The following CAND2 variants were observed in gnomAD, a reference collection of about 807,000 sequenced individuals.
CAND2 encodes the protein cullin-associated NEDD8-dissociated protein 2.
A neutral mutation model predicts 98.9 loss-of-function variants in CAND2; 62 were observed. The observed-to-expected ratio is 0.63, with a 90% CI of 0.51 to 0.77. The LOEUF is 0.77. Ranked by LOEUF, CAND2 falls within the 30% of genes least tolerant of loss-of-function variation. CAND2 has a pLI of 0.00. For missense variants in CAND2, 1,501 were observed against 1,655.2 expected (o/e 0.91, Z 1.62); for synonymous variants, 770 against 731.9 (o/e 1.05, Z -0.84).
chr3:12,828,464 A>C (rs1482653759), intron 13 of CAND2, among the ~76,000 whole-genome samples: 1 of 151,420 alleles, frequency 6.6e-6, no homozygotes. Flanking sequence ...CAGCCTCCCA[A>C]GTAGCTGGGA....
At chr3:12,798,596 T>G (rs2061743484) in intron 1 of CAND2, among the ~76,000 whole-genome samples, 1 of 152,122 alleles carries the variant, frequency 6.6e-6, no homozygotes, top group Non-Finnish European at 1.5e-5. Flanking sequence ...TGCAGTGACT[T>G]GCCCAAGGTC....
chr3:12,817,800 G>A lies in CAND2; in HGVS notation c.2868G>A (p.Val956=). The change falls in exon 10 of 15, where the codon GTG becomes GTA. Residue 956 remains valine, a synonymous_variant. Coordinates refer to ENST00000456430, the MANE Select transcript of CAND2 (RefSeq NM_001162499.2). The part of the protein sequence containing the change: ...EGAEEGTRGV[V]AECIGKLVLV... ...CTGAGGAGGGCACCCGGGGGGTGGT[G>A]GCCGAGTGCATTGGGAAGCTGGTCC... is the stretch of plus-strand genomic sequence containing the variant. 1.3e-6 allele frequency: 2 copies of A among 1,527,490 alleles called. No individual in the cohort carries two copies. The highest frequency in any genetic ancestry group is 1.8e-6 in the Non-Finnish European group (2 of 1,139,588). 94.6% of individuals were successfully genotyped at this position (1,527,490 alleles called of 1,614,324 possible). A position where few individuals can be genotyped will look rare whatever the true frequency, so the allele number is the denominator to read the frequency against.
intron 13 of CAND2, among the ~76,000 whole-genome samples, chr3:12,830,946 T>A (rs1390897232): frequency 1.3e-5 from 2 of 152,230 alleles, no homozygotes; most frequent in Admixed American, 1.3e-4. Context: ...ACTTGACTAT[T>A]TTCAAAAGAC....
intron 12 of CAND2, 79 bp downstream of exon 12, chr3:12,825,718 C>A: frequency 1.4e-6 from 2 of 1,427,870 alleles, no homozygotes; most frequent in South Asian, 1.3e-5. Context: ...GCATTATTAT[C>A]TCATCAGAGC....
At position 12,827,398 on chromosome 3, in the gene CAND2, T is replaced by TAAG. The variant is rs56708719; in HGVS notation, c.3211-41_3211-40insAGA. On this transcript the variant is annotated intron_variant, in intron 12 of 14. Transcript: ENST00000456430. ...TAGCAGAAGCTAGAAGAGGTGTCCT[T>TAAG]ACACCCTGGGGCCATATCACCAACC... is the stretch of plus-strand genomic sequence containing the variant. 5.4e-3 allele frequency: 8,526 copies of TAAG among 1,581,422 alleles called. 398 individuals carry two copies. The African/African-American group carries it at 0.1, about 19-fold the overall frequency.
chr3:12,815,551 A>C lies in CAND2; in HGVS notation c.1299+118A>C. On this transcript the variant is annotated intron_variant, in intron 8 of 14. Coordinates refer to ENST00000456430, the MANE Select transcript of CAND2 (RefSeq NM_001162499.2). The surrounding 1 kb of genome is among the most constrained non-coding windows in gnomAD (Gnocchi z 5.7). ...ACATCCAGCCATGGAAGGGAAGGGA[A>C]GGGGTCCCTGGGGTGGGGGGCGGGA... is the stretch of plus-strand genomic sequence containing the variant. The C allele has an allele frequency of 2.2e-5, 21 of 968,746 alleles. No individual in the cohort carries two copies. Among genetic ancestry groups the C allele is most frequent in the African/African-American group, 3.3e-5 (2 of 60,156 alleles). The allele number at this position is 968,746 out of a possible 1,614,324, so 60.0% of individuals were successfully genotyped here. A position where few individuals can be genotyped will look rare whatever the true frequency, so the allele number is the denominator to read the frequency against.
Position 12,834,313 on chromosome 3 carries a change from C to T in CAND2, c.*331C>T. The T allele has an allele frequency of 6.7e-6, 2 of 300,628 alleles. No homozygotes were observed. Among genetic ancestry groups the T allele is most frequent in the Non-Finnish European group, 1.3e-5 (2 of 157,950 alleles). The allele number at this position is 300,628 out of a possible 1,614,324, so 18.6% of individuals were successfully genotyped here. ...TCAGAGGGTGTCTCTGCCTCACAAACTAGTAGTATTTAGAAATAGGCTGTG... is the reference window on the plus strand; with the variant it reads ...TCAGAGGGTGTCTCTGCCTCACAAATTAGTAGTATTTAGAAATAGGCTGTG... On this transcript the variant is annotated 3_prime_UTR_variant, in exon 15 of 15. Coordinates refer to ENST00000456430, the MANE Select transcript of CAND2 (RefSeq NM_001162499.2).
chr3:12,814,822 T>A (rs1321152865), intron 7 of CAND2, among the ~76,000 whole-genome samples: 1 of 152,108 alleles, frequency 6.6e-6, no homozygotes, highest in African/African-American at 2.4e-5. Context: ...CTCCAAGTAT[T>A]TCCTTAACTT....
At chr3:12,810,504 C>T (rs114144185) in intron 5 of CAND2, among the ~76,000 whole-genome samples, 180 bp downstream of exon 5, 2,304 of 134,596 alleles carry the variant, frequency 0.017, 46 homozygotes, top group African/African-American at 0.058. Context: ...GGGCCTGGGG[C>T]GGGCGGCTGA....
At chr3:12,818,142 G>T (rs1049610751) in intron 10 of CAND2, among the ~76,000 whole-genome samples, 2 of 152,082 alleles carry the variant, frequency 1.3e-5, no homozygotes, top group Non-Finnish European at 2.9e-5. Context: ...TCATGATGTT[G>T]GCTAGGCATG....
chr3:12,806,709 G>C (rs1179004546), intron 2 of CAND2, among the ~76,000 whole-genome samples: 4 of 152,170 alleles, frequency 2.6e-5, no homozygotes, highest in African/African-American at 9.7e-5. Context: ...ACTTTCCTGT[G>C]CATTGGAATC....
At chr3:12,812,367 G>C in intron 5 of CAND2, among the ~76,000 whole-genome samples, 1 of 150,446 alleles carries the variant, frequency 6.6e-6, no homozygotes, top group East Asian at 1.9e-4. Flanking sequence ...GGGACTACAG[G>C]TGTGTGCCAC....
At chr3:12,807,041 CAA>C (rs2061811981) in intron 2 of CAND2, 1 of 362,362 alleles carries the variant, frequency 2.8e-6, no homozygotes, top group Admixed American at 4.4e-5. Flanking sequence ...GATGCACCCT[CAA>C]GTTTGAGAAC....
At position 12,820,161 on chromosome 3, in the gene CAND2, C is replaced by G. The variant is rs201112382; in HGVS notation, c.3020C>G (p.Pro1007Arg). Residue 1007 changes from proline to arginine, a missense_variant, in exon 11 of 15, where the codon CCC becomes CGC. Coordinates refer to ENST00000456430, the MANE Select transcript of CAND2 (RefSeq NM_001162499.2). Reference sequence around the variant, plus strand: ...TCGGACCAGCCCCATCCCATTGACCCCCTCCTGAAGAGCTTCATCGGTGAG... The same window carrying G: ...TCGGACCAGCCCCATCCCATTGACCGCCTCCTGAAGAGCTTCATCGGTGAG... Reference protein sequence around the residue: ...LISDQPHPIDPLLKSFIGEFM... With the variant: ...LISDQPHPIDRLLKSFIGEFM... The G allele has an allele frequency of 1.2e-6, 2 of 1,614,064 alleles. No individual in the cohort carries two copies. The highest frequency in any genetic ancestry group is 1.7e-6 in the Non-Finnish European group (2 of 1,179,910).
At position 12,820,148 on chromosome 3, in the gene CAND2, CA is replaced by C; in HGVS notation, c.3008del (p.His1003LeufsTer7). 1 of 1,614,208 alleles carries C rather than the reference CA, an allele frequency of 6.2e-7. No individual in the cohort carries two copies. Among genetic ancestry groups the C allele is most frequent in the South Asian group, 1.1e-5 (1 of 91,086 alleles). ...AVKFLISDQP[H>X]PIDPLLKSFI... Reference sequence around the variant, plus strand: ...CAAGTTCCTTATCTCGGACCAGCCCCATCCCATTGACCCCCTCCTGAAGAGC... The same window carrying C: ...CAAGTTCCTTATCTCGGACCAGCCCCTCCCATTGACCCCCTCCTGAAGAGC... On this transcript the variant is annotated frameshift_variant, in exon 11 of 15. Coordinates refer to ENST00000456430, the MANE Select transcript of CAND2 (RefSeq NM_001162499.2). LOFTEE classifies it high-confidence loss of function.
At chr3:12,799,820 C>A (rs1035899909) in intron 1 of CAND2, among the ~76,000 whole-genome samples, 1 of 152,136 alleles carries the variant, frequency 6.6e-6, no homozygotes. Context: ...GTCCAGGGAA[C>A]CATTGTGCTT....
chr3:12,804,729 A>G (rs966506636), intron 2 of CAND2, among the ~76,000 whole-genome samples: 36 of 152,348 alleles, frequency 2.4e-4, no homozygotes, highest in African/African-American at 7.5e-4. Context: ...AATTTTAAAT[A>G]GAATGCCAGG....
chr3:12,807,084 C>T (rs1417505280), intron 2 of CAND2: 7 of 478,198 alleles, frequency 1.5e-5, no homozygotes, highest in Non-Finnish European at 2.2e-5. Context: ...TGGCCATTTC[C>T]TGAGACGTAA....
rs1419015235 is a variant in CAND2 at position 12,805,406 on chromosome 3, GCCT to G, written c.212+1780_212+1782del. Among the ~76,000 whole-genome samples the G allele has an allele frequency of 2.0e-5, 3 of 151,286 alleles. No homozygotes were observed. The Admixed American group carries it at 2.0e-4, about 10-fold the overall frequency. On this transcript the variant is annotated intron_variant, in intron 2 of 14. Coordinates refer to ENST00000456430, the MANE Select transcript of CAND2 (RefSeq NM_001162499.2). ...AGGTTCAAGCGATTCCCATGTCTCAGCCTCCTCAGTAGCTGACATTACAGGCAT... is the reference window on the plus strand; with the variant it reads ...AGGTTCAAGCGATTCCCATGTCTCAGCCTCAGTAGCTGACATTACAGGCAT...
Sources: allele counts gnomAD v4.1 joint callset (sites outside exome capture counted in the v4.1 genomes callset), GRCh38; gene constraint gnomAD v4.1.1; non-coding constraint Gnocchi (gnomAD v3.1); transcripts MANE v1.5; gene names NCBI Gene and HGNC (gene_info 2026-07-23, HGNC 2026-07-21).